Variants in DSCAML1 observed in about 807,000 individuals in gnomAD.
DSCAML1 encodes cell adhesion molecule DSCAML1.
Under a neutral mutation model 200.5 loss-of-function variants are expected in DSCAML1, and 38 were observed. The ratio of observed to expected loss-of-function variants is 0.19; its 90% CI spans 0.15 to 0.25. The LOEUF is 0.25. DSCAML1 is among the 10% of genes least tolerant of loss of function. DSCAML1 has a pLI of 1.00. For synonymous variants in DSCAML1, 1,215 were observed against 1,165.0 expected, an observed-to-expected ratio of 1.04 and a Z score of -0.87; for missense variants, 2,223 against 2,858.8, an observed-to-expected ratio of 0.78 and a Z score of 5.07.
intron 3 of DSCAML1, among the ~76,000 whole-genome samples, chr11:117,774,709 A>T (rs1399385729): frequency 1.3e-5 from 2 of 152,154 alleles, no homozygotes; most frequent in African/African-American, 4.8e-5. Context: ...AGCCAGAGTA[A>T]CACTTTATTG....
intron 11 of DSCAML1, among the ~76,000 whole-genome samples, chr11:117,487,112 A>T (rs2049088626): frequency 6.6e-6 from 1 of 151,522 alleles, no homozygotes; most frequent in Non-Finnish European, 1.5e-5. Flanking sequence ...TTTAGTAGAG[A>T]CGGGGTTTCA....
chr11:117,780,605 G>A lies in DSCAML1; in HGVS notation c.252C>T (p.Leu84=). ...RHVHANGTLQ[L]YPFSPSAFNS... ...TGAAGGCGGAGGGGGAGAAGGGGTA[G>A]AGCTGCAGCGTCCCGTTGGCGTGGA... Residue 84 remains leucine, a synonymous_variant, in exon 2 of 33, where the codon CTC becomes CTT. Coordinates refer to ENST00000651296, the MANE Select transcript of DSCAML1 (RefSeq NM_020693.4). This position sits in a 1 kb window ranked among gnomAD's most constrained non-coding sequence, Gnocchi z 4.8. The A allele has an allele frequency of 2.5e-6, 4 of 1,591,858 alleles. No homozygotes were observed. The highest frequency in any genetic ancestry group is 3.4e-6 in the Non-Finnish European group (4 of 1,167,728).
intron 3 of DSCAML1, among the ~76,000 whole-genome samples, chr11:117,558,118 G>T (rs576811590): frequency 5.9e-5 from 9 of 152,256 alleles, no homozygotes; most frequent in South Asian, 4.1e-4. Flanking sequence ...GGGCGATGAG[G>T]TTTAGCCAGT....
At chr11:117,766,619 G>C (rs1314776088) in intron 3 of DSCAML1, among the ~76,000 whole-genome samples, 1 of 152,172 alleles carries the variant, frequency 6.6e-6, no homozygotes, top group Non-Finnish European at 1.5e-5. Context: ...AATGCTGCTT[G>C]CTCTGTGTCC....
rs140631308 is a variant in DSCAML1 at position 117,429,357 on chromosome 11, T to C, written c.5687-554A>G. On this transcript the variant is annotated intron_variant, in intron 32 of 32. Transcript: ENST00000651296. Reference sequence around the variant, plus strand: ...TTCCAGATGTTTGAAGTCAGCTACATGTCCCCTCTCCTCCCCCTCGGTCCC... The same window carrying C: ...TTCCAGATGTTTGAAGTCAGCTACACGTCCCCTCTCCTCCCCCTCGGTCCC... 6.8e-4 allele frequency among the ~76,000 whole-genome samples: 104 copies of C among 152,328 alleles called. No individual in the cohort carries two copies. The Middle Eastern group carries it at 0.017, about 25-fold the overall frequency.
chr11:117,700,743 A>T (rs528249543), intron 3 of DSCAML1, among the ~76,000 whole-genome samples: 1 of 152,242 alleles, frequency 6.6e-6, no homozygotes, highest in African/African-American at 2.4e-5. Context: ...GCCCCCACAC[A>T]CTGGACCAGT....
intron 6 of DSCAML1, 113 bp downstream of exon 6, chr11:117,521,017 G>T: frequency 7.1e-7 from 1 of 1,400,562 alleles, no homozygotes. Flanking sequence ...CCGGCCTGGT[G>T]TGTAGTGAGC....
intron 11 of DSCAML1, among the ~76,000 whole-genome samples, chr11:117,497,152 C>T (rs749527233): frequency 2.6e-5 from 4 of 152,160 alleles, no homozygotes; most frequent in Non-Finnish European, 5.9e-5. Flanking sequence ...CTAGTCATGC[C>T]TTAGTGGGTG....
intron 3 of DSCAML1, among the ~76,000 whole-genome samples, chr11:117,595,700 T>C (rs2051351519): frequency 6.6e-6 from 1 of 152,140 alleles, no homozygotes; most frequent in Non-Finnish European, 1.5e-5. Flanking sequence ...AGGAAGAGTT[T>C]ATCAATGTCG....
At chr11:117,540,197 G>A (rs1181446985) in intron 3 of DSCAML1, among the ~76,000 whole-genome samples, 1 of 152,190 alleles carries the variant, frequency 6.6e-6, no homozygotes, top group African/African-American at 2.4e-5. Flanking sequence ...CCTGTTCGTG[G>A]CCTGTTAGTA....
At position 117,428,406 on chromosome 11, in the gene DSCAML1, G is replaced by A. The variant is rs142254786; in HGVS notation, c.6084C>T (p.Leu2028=). ...TKMGGSRDSL[L]EMSTSGVGRS... is the part of the protein sequence containing the mutation. Reference sequence around the variant, plus strand: ...TCCCTACCCCCGATGTGCTCATCTCGAGAAGCGAGTCCCTGGAGCCCCCCA... The same window carrying A: ...TCCCTACCCCCGATGTGCTCATCTCAAGAAGCGAGTCCCTGGAGCCCCCCA... The change falls in exon 33 of 33, where the codon CTC becomes CTT. Residue 2028 remains leucine (L), a synonymous_variant. Coordinates refer to ENST00000651296, the MANE Select transcript of DSCAML1 (RefSeq NM_020693.4). The A allele has an allele frequency of 4.3e-4, 683 of 1,570,934 alleles. 7 individuals are homozygous for A. In the East Asian group the frequency reaches 0.011, roughly 24 times the overall value.
chr11:117,655,544 T>C (rs2052716877), intron 3 of DSCAML1, among the ~76,000 whole-genome samples: 1 of 152,190 alleles, frequency 6.6e-6, no homozygotes, highest in Non-Finnish European at 1.5e-5. Context: ...GTAAAGTCAG[T>C]GCAAAAGTGC....
chr11:117,613,471 C>T (rs1177897171), intron 3 of DSCAML1, among the ~76,000 whole-genome samples: 1 of 152,134 alleles, frequency 6.6e-6, no homozygotes, highest in Non-Finnish European at 1.5e-5. Context: ...AAAAACAATA[C>T]ACTTTGTGAG....
chr11:117,434,654 C>T (rs2137068044), intron 27 of DSCAML1, among the ~76,000 whole-genome samples: 1 of 152,328 alleles, frequency 6.6e-6, no homozygotes, highest in South Asian at 2.1e-4. Context: ...ACCATCCTTA[C>T]ACCCAGCCAT....
At position 117,644,154 on chromosome 11, in the gene DSCAML1, C is replaced by A. The variant is rs368152501; in HGVS notation, c.512-111632G>T. ...CGCCCGGTCGGCCTGCCCCTTGACT[C>A]GGGCGCTTCCTCTCTCTCCAGAAAA... On this transcript the variant is annotated intron_variant, in intron 3 of 32. Coordinates refer to ENST00000651296, the MANE Select transcript of DSCAML1 (RefSeq NM_020693.4). 2.6e-5 allele frequency among the ~76,000 whole-genome samples: 4 copies of A among 152,326 alleles called. No individual in the cohort carries two copies. The South Asian group carries it at 8.3e-4, about 32-fold the overall frequency.
intron 3 of DSCAML1, among the ~76,000 whole-genome samples, chr11:117,754,945 T>C (rs1483110932): frequency 6.6e-6 from 1 of 152,134 alleles, no homozygotes; most frequent in Non-Finnish European, 1.5e-5. Flanking sequence ...TTGGAGCAGG[T>C]AAATCCCTCC....
chr11:117,777,535 G>T (rs1406945098), intron 2 of DSCAML1, among the ~76,000 whole-genome samples: 1 of 152,308 alleles, frequency 6.6e-6, no homozygotes, highest in South Asian at 2.1e-4. Flanking sequence ...AAGGACAAAG[G>T]GAGAGAATGT....
At chr11:117,429,706 ACTTG>A (rs974625656) in intron 32 of DSCAML1, among the ~76,000 whole-genome samples, 4 of 152,048 alleles carry the variant, frequency 2.6e-5, no homozygotes, top group African/African-American at 7.2e-5. Context: ...CCTCCATGTG[ACTTG>A]CTTCTAAGAC....
chr11:117,700,642 C>G (rs1280865565), intron 3 of DSCAML1, among the ~76,000 whole-genome samples: 1 of 152,188 alleles, frequency 6.6e-6, no homozygotes, highest in East Asian at 1.9e-4. Context: ...TAGGATGGCT[C>G]TAAGGAGCAC....
Sources: allele counts gnomAD v4.1 joint callset (sites outside exome capture counted in the v4.1 genomes callset), GRCh38; gene constraint gnomAD v4.1.1; non-coding constraint Gnocchi (gnomAD v3.1); transcripts MANE v1.5; gene names NCBI Gene and HGNC (gene_info 2026-07-23, HGNC 2026-07-21).